PTPRD: variants seen among roughly 807,000 people sequenced by gnomAD.
PTPRD encodes receptor-type tyrosine-protein phosphatase delta.
In PTPRD, 34 loss-of-function variants were observed where a neutral mutation model predicts 214.5. The observed-to-expected ratio is 0.16, with a 90% confidence interval of 0.12 to 0.21. The LOEUF (loss-of-function observed/expected upper bound fraction) is 0.21, where lower values mean the gene tolerates loss of function less well. Among genes scored for constraint, PTPRD ranks in the 10% least tolerant of loss-of-function variants. PTPRD has a pLI of 1.00. For synonymous variants in PTPRD, 1,128 were observed against 845.7 expected, an observed-to-expected ratio of 1.33 and a Z score of -5.79; for missense variants, 2,545 against 2,398.7, an observed-to-expected ratio of 1.06 and a Z score of -1.27.
At chr9:8,769,301 A>G (rs902267108) in intron 11 of PTPRD, among the ~76,000 whole-genome samples, 1 of 152,196 alleles carries the variant, frequency 6.6e-6, no homozygotes, top group Non-Finnish European at 1.5e-5. Flanking sequence ...GTTTCCTCAC[A>G]ACGCTACAGT....
intron 2 of PTPRD, among the ~76,000 whole-genome samples, chr9:10,527,470 A>C (rs180774521): frequency 6.6e-6 from 1 of 152,210 alleles, no homozygotes; most frequent in South Asian, 2.1e-4. Flanking sequence ...TTCCAAATGC[A>C]TTAGGTAGAC....
At chr9:8,452,114 G>C (rs2095982122) in intron 33 of PTPRD, among the ~76,000 whole-genome samples, 1 of 152,080 alleles carries the variant, frequency 6.6e-6, no homozygotes, top group Admixed American at 6.5e-5. Flanking sequence ...GAACAGGGAG[G>C]GATGTAGTGA....
chr9:10,181,677 C>A lies in PTPRD; in HGVS notation c.-544-147887G>T, dbSNP rs115681018. ...ATCATTGTACTTCTGCAGTTACTATCAAATGGAGTAGCATAAGTGATGGCC... is the reference window on the plus strand; with the variant it reads ...ATCATTGTACTTCTGCAGTTACTATAAAATGGAGTAGCATAAGTGATGGCC... On this transcript the variant is annotated intron_variant, in intron 3 of 45. Coordinates refer to ENST00000381196, the MANE Select transcript of PTPRD (RefSeq NM_002839.4). Among the ~76,000 whole-genome samples the A allele has an allele frequency of 2.4e-3, 365 of 151,272 alleles. 5 individuals carry two copies. Among genetic ancestry groups the A allele is most frequent in the African/African-American group, 8.4e-3 (347 of 41,222 alleles).
intron 3 of PTPRD, among the ~76,000 whole-genome samples, chr9:10,187,451 T>C (rs898636667): frequency 2.0e-5 from 3 of 152,208 alleles, no homozygotes; most frequent in Admixed American, 2.0e-4. Context: ...AAAAATTTAC[T>C]TTACAGTTTG....
At chr9:9,711,955 G>A (rs2097741983) in intron 7 of PTPRD, among the ~76,000 whole-genome samples, 1 of 151,956 alleles carries the variant, frequency 6.6e-6, no homozygotes, top group Non-Finnish European at 1.5e-5. Context: ...CATCTCCCTG[G>A]GCACAAATAC....
chr9:9,472,404 C>G (rs1034865298), intron 8 of PTPRD, among the ~76,000 whole-genome samples: 1 of 151,690 alleles, frequency 6.6e-6, no homozygotes, highest in Non-Finnish European at 1.5e-5. Flanking sequence ...GGGGTTTCAC[C>G]TTGTTAGCCA....
Position 10,048,706 on chromosome 9 carries a change from A to G in PTPRD, c.-544-14916T>C, listed in dbSNP as rs73641830. Among the ~76,000 whole-genome samples, 1,305 of 152,168 alleles carry G rather than the reference A, an allele frequency of 8.6e-3. 22 individuals carry two copies. Among genetic ancestry groups the G allele is most frequent in the African/African-American group, 0.029 (1,219 of 41,512 alleles). Reference sequence around the variant, plus strand: ...TAGTTTCCTATAACTTTTCATTCATATATTTAATCCTCTTAGCTCCTTATC... The same window carrying G: ...TAGTTTCCTATAACTTTTCATTCATGTATTTAATCCTCTTAGCTCCTTATC... On this transcript the variant is annotated intron_variant, in intron 3 of 45. Transcript: ENST00000381196.
At chr9:8,595,176 T>G (rs985782591) in intron 14 of PTPRD, among the ~76,000 whole-genome samples, 297 of 151,634 alleles carry the variant, frequency 2.0e-3, no homozygotes, top group Non-Finnish European at 2.5e-3. Flanking sequence ...AAACCTGTTT[T>G]TTTTTTTTTT....
intron 14 of PTPRD, among the ~76,000 whole-genome samples, chr9:8,633,027 T>C (rs941965977): frequency 6.6e-6 from 1 of 151,924 alleles, no homozygotes; most frequent in Non-Finnish European, 1.5e-5. Context: ...AAGAGTACCA[T>C]ATCCTGTTTC....
chr9:8,732,439 G>C (rs983304954), intron 12 of PTPRD, among the ~76,000 whole-genome samples: 1 of 152,108 alleles, frequency 6.6e-6, no homozygotes, highest in Non-Finnish European at 1.5e-5. Flanking sequence ...TAAAACCATA[G>C]TCTCAATTTC....
At chr9:9,237,993 C>A (rs2099968013) in intron 9 of PTPRD, among the ~76,000 whole-genome samples, 1 of 152,050 alleles carries the variant, frequency 6.6e-6, no homozygotes, top group African/African-American at 2.4e-5. Context: ...TCCTTAAATC[C>A]TTGATATGTT....
intron 2 of PTPRD, among the ~76,000 whole-genome samples, chr9:10,366,346 A>C (rs954703544): frequency 4.6e-5 from 7 of 152,178 alleles, no homozygotes; most frequent in African/African-American, 1.7e-4. Flanking sequence ...AAAGGTGAGA[A>C]AGTTTGCAGT....
At chr9:9,247,283 A>G (rs2099973484) in intron 9 of PTPRD, among the ~76,000 whole-genome samples, 2 of 152,010 alleles carry the variant, frequency 1.3e-5, no homozygotes, top group South Asian at 2.1e-4. Context: ...GGGTTTCCCA[A>G]CTCAGTCTAT....
intron 11 of PTPRD, among the ~76,000 whole-genome samples, chr9:8,922,369 A>G (rs1175449391): frequency 1.3e-5 from 2 of 152,224 alleles, no homozygotes; most frequent in African/African-American, 2.4e-5. Context: ...TATGCCAAAT[A>G]TCTACACATG....
chr9:9,464,334 A>G (rs963835592), intron 8 of PTPRD, among the ~76,000 whole-genome samples: 3 of 152,190 alleles, frequency 2.0e-5, no homozygotes, highest in Non-Finnish European at 4.4e-5. Flanking sequence ...TGTTTCCAAA[A>G]TGTAGTAAAA....
chr9:9,410,219 A>G (rs2074938067), intron 8 of PTPRD, among the ~76,000 whole-genome samples: 1 of 152,196 alleles, frequency 6.6e-6, no homozygotes. Context: ...TTCAGTCCAT[A>G]TGGTATTTCA....
intron 9 of PTPRD, among the ~76,000 whole-genome samples, chr9:9,296,377 G>A (rs1204928949): frequency 1.3e-5 from 2 of 151,698 alleles, no homozygotes; most frequent in African/African-American, 2.4e-5. Context: ...AGTTCAGAGG[G>A]ATAATTGCTC....
At chr9:9,015,466 A>G (rs1464913708) in intron 11 of PTPRD, among the ~76,000 whole-genome samples, 1 of 152,160 alleles carries the variant, frequency 6.6e-6, no homozygotes, top group African/African-American at 2.4e-5. Context: ...CATTGTCTGA[A>G]AAGGGGAGGC....
intron 11 of PTPRD, among the ~76,000 whole-genome samples, chr9:8,742,433 A>G (rs1325372122): frequency 6.6e-6 from 1 of 152,232 alleles, no homozygotes; most frequent in Non-Finnish European, 1.5e-5. Context: ...TCATTTCTAC[A>G]TCAATATAAC....
Sources: gnomAD v4.1 joint callset for allele counts (sites outside exome capture counted in the v4.1 genomes callset) on GRCh38, gnomAD v4.1.1 for gene constraint, MANE v1.5 for transcripts, NCBI Gene and HGNC (gene_info 2026-07-23, HGNC 2026-07-21) for gene names.